PDXDC1: variants seen among roughly 807,000 people sequenced by gnomAD.
PDXDC1 encodes the protein pyridoxal-dependent decarboxylase domain-containing protein 1.
Under a neutral mutation model 100.1 loss-of-function variants are expected in PDXDC1, and 42 were observed. That is an observed-to-expected ratio of 0.42 (90% CI 0.33 to 0.54). The LOEUF (loss-of-function observed/expected upper bound fraction) is 0.54. Among genes scored for constraint, PDXDC1 ranks in the 20% least tolerant of loss-of-function variants. The pLI, the probability that PDXDC1 is intolerant of heterozygous loss-of-function variation, is 0.10. For synonymous variants in PDXDC1, 260 were observed against 371.7 expected, an observed-to-expected ratio of 0.70 and a Z score of 3.46; for missense variants, 636 against 979.2, an observed-to-expected ratio of 0.65 and a Z score of 4.68.
chr16:15,048,306 G>GT (rs1273043300), intron 16 of PDXDC1, among the ~76,000 whole-genome samples: 2 of 152,178 alleles, frequency 1.3e-5, no homozygotes, highest in Non-Finnish European at 2.9e-5. Context: ...CTGCGCGGTG[G>GT]TTTTTTTAAC....
chr16:15,055,161 C>A (rs1170800322), intron 16 of PDXDC1, among the ~76,000 whole-genome samples: 2 of 152,128 alleles, frequency 1.3e-5, no homozygotes, highest in African/African-American at 4.8e-5. Flanking sequence ...GCAAATAGGA[C>A]GTCTGCCCCC....
At chr16:15,104,844 T>C in intron 16 of PDXDC1, 1 of 1,510,514 alleles carries the variant, frequency 6.6e-7, no homozygotes, top group East Asian at 2.4e-5. Context: ...CACCTTCTGT[T>C]GCTGGTGATA....
intron 16 of PDXDC1, chr16:15,076,378 G>T: frequency 1.6e-6 from 1 of 617,788 alleles, no homozygotes; most frequent in Non-Finnish European, 2.9e-6. Context: ...CTTGGAAATA[G>T]ACCAACTATG....
chr16:15,024,243 C>T (rs2042415135), intron 13 of PDXDC1, among the ~76,000 whole-genome samples: 1 of 152,122 alleles, frequency 6.6e-6, no homozygotes, highest in Non-Finnish European at 1.5e-5. Context: ...GAGTCCTCAT[C>T]ATCACCATCA....
At chr16:15,132,603 T>G (rs186790173) in intron 16 of PDXDC1, 32,379 of 781,342 alleles carry the variant, frequency 0.041, 1,346 homozygotes, top group African/African-American at 0.16. Context: ...CGCCATGGCA[T>G]GAAGGAGCCC....
intron 1 of PDXDC1, among the ~76,000 whole-genome samples, chr16:14,984,496 T>TA (rs1491326563): frequency 0.086 from 4,096 of 47,866 alleles, 27 homozygotes; most frequent in South Asian, 0.13. Context: ...TATATATATA[T>TA]TTTTTTTTTT....
At chr16:15,104,682 T>C (rs775249825) in intron 16 of PDXDC1, 9 of 1,597,612 alleles carry the variant, frequency 5.6e-6, no homozygotes, top group Admixed American at 1.7e-5. Flanking sequence ...CATCCTGTTT[T>C]TTAAAGTTTC....
chr16:15,098,335 G>C (rs1213119069), intron 16 of PDXDC1, among the ~76,000 whole-genome samples: 1 of 151,172 alleles, frequency 6.6e-6, no homozygotes. Flanking sequence ...TGAGTAGCTG[G>C]GACTACATGT....
At chr16:15,126,246 G>C (rs1367883043) in intron 16 of PDXDC1, among the ~76,000 whole-genome samples, 3 of 147,070 alleles carry the variant, frequency 2.0e-5, no homozygotes, top group Non-Finnish European at 4.5e-5. Flanking sequence ...GTGTTGGCCA[G>C]GCTGGTCTTG....
At chr16:15,006,815 G>A (rs190079775) in intron 6 of PDXDC1, among the ~76,000 whole-genome samples, 118 of 152,392 alleles carry the variant, frequency 7.7e-4, no homozygotes, top group Non-Finnish European at 1.3e-3. Flanking sequence ...GACTTTAATC[G>A]AAGGGGGTGT....
At chr16:15,146,148 C>T in the PDXDC1 span, among the ~76,000 whole-genome samples, 1 of 152,196 alleles carries the variant, frequency 6.6e-6, no homozygotes. Flanking sequence ...ATCACCCACA[C>T]GTGGGCCAGG....
Position 15,133,759 on chromosome 16 carries a change from G to T in PDXDC1, c.1400-5120G>T, listed in dbSNP as rs556496982. On this transcript the variant is annotated intron_variant, in intron 16 of 16. Transcript: ENST00000535621. ...GGGCTCCGTGACGTCACAGTCGGGG[G>T]ATCCCGCTGCTCCCCCTAAGCAGGC... 54 of 1,592,376 alleles carry T rather than the reference G, an allele frequency of 3.4e-5. No individual in the cohort carries two copies. In the Middle Eastern group the frequency reaches 1.1e-3, roughly 33 times the overall value.
intron 16 of PDXDC1, chr16:15,047,550 C>G (rs779811012): frequency 6.2e-7 from 1 of 1,608,820 alleles, no homozygotes; most frequent in South Asian, 1.1e-5. Context: ...GGCCCCATTA[C>G]CTGAAGAACA....
At chr16:15,054,758 A>G (rs1168917453) in intron 16 of PDXDC1, among the ~76,000 whole-genome samples, 1 of 152,170 alleles carries the variant, frequency 6.6e-6, no homozygotes, top group African/African-American at 2.4e-5. Context: ...ACCGTCCTAC[A>G]CTCTGAGGAT....
chr16:15,127,608 A>G, intron 16 of PDXDC1: 1 of 1,339,408 alleles, frequency 7.5e-7, no homozygotes, highest in East Asian at 2.5e-5. Context: ...TGTGTGGAGG[A>G]GAGGAGGCCA....
intron 16 of PDXDC1, among the ~76,000 whole-genome samples, chr16:15,055,080 C>T (rs2044450885): frequency 6.6e-6 from 1 of 152,140 alleles, no homozygotes; most frequent in Non-Finnish European, 1.5e-5. Flanking sequence ...CGTTGCCCAA[C>T]AGATATTAGG....
intron 1 of PDXDC1, chr16:14,989,273 G>GA (rs1567621521): frequency 5.6e-6 from 9 of 1,613,496 alleles, no homozygotes; most frequent in Non-Finnish European, 7.6e-6. Flanking sequence ...GCACCTGGGG[G>GA]ATAATGGGGC....
chr16:15,075,151 G>A (rs1337978254), intron 16 of PDXDC1, among the ~76,000 whole-genome samples: 1 of 151,032 alleles, frequency 6.6e-6, no homozygotes, highest in African/African-American at 2.4e-5. Context: ...TCAGGAGGCA[G>A]AGGCAGGAAA....
At position 15,133,871 on chromosome 16, in the gene PDXDC1, C is replaced by T. The variant is rs1050316450; in HGVS notation, c.1400-5008C>T. The T allele has an allele frequency of 1.1e-5, 17 of 1,545,028 alleles. No individual in the cohort carries two copies. In the South Asian group the frequency reaches 1.2e-4, roughly 10 times the overall value. ...GGAAGAGGCGGCAAGAGCCCCCCAG[C>T]GGCGGGCGGTTGGGGGACAGGGGGA... On this transcript the variant is annotated intron_variant, in intron 16 of 16. Coordinates refer to the PDXDC1 transcript ENST00000535621.
Sources: allele counts gnomAD v4.1 joint callset (sites outside exome capture counted in the v4.1 genomes callset), GRCh38; gene constraint gnomAD v4.1.1; transcripts MANE v1.5; gene names NCBI Gene and HGNC (gene_info 2026-07-23, HGNC 2026-07-21).